Variants in BPIFB2 observed in about 807,000 individuals in gnomAD.
BPIFB2 encodes BPI fold-containing family B member 2.
In BPIFB2, 39 loss-of-function variants were observed where a neutral mutation model predicts 50.1. The ratio of observed to expected loss-of-function variants is 0.78; its 90% confidence interval spans 0.60 to 1.02. The LOEUF (loss-of-function observed/expected upper bound fraction) is 1.02. Ranked by LOEUF, BPIFB2 falls within the 50% of genes least tolerant of loss-of-function variation. The pLI is 0.00. For missense variants in BPIFB2, 574 were observed against 585.8 expected (o/e 0.98, Z 0.21); for synonymous variants, 280 against 256.3 (o/e 1.09, Z -0.88).
chr20:33,023,067 T>G (rs1176052819), intron 15 of BPIFB2, among the ~76,000 whole-genome samples: 2 of 152,132 alleles, frequency 1.3e-5, no homozygotes, highest in South Asian at 4.1e-4. Flanking sequence ...GGTTCTGGGC[T>G]CCCATTCATA....
In BPIFB2 at chr20:33,011,057, C is replaced by T; in HGVS notation, c.143C>T (p.Ala48Val). 6.2e-7 allele frequency: 1 copy of T among 1,614,034 alleles called. No individual in the cohort carries two copies. The highest frequency in any genetic ancestry group is 8.5e-7 in the Non-Finnish European group (1 of 1,179,966). ...SEIGKAPLQR[A>V]LQVTVPHFLD... ...ATTGGGAAAGCCCCTCTCCAGCGGG[C>T]CCTGCAGGTCACTGTCCCTCATTTC... Residue 48 changes from alanine to valine, a missense_variant, in exon 3 of 16, where the codon GCC becomes GTC. Ala to Val is a moderately conservative substitution (Grantham distance 64). Coordinates refer to ENST00000170150, the MANE Select transcript of BPIFB2 (RefSeq NM_025227.3).
intron 15 of BPIFB2, among the ~76,000 whole-genome samples, 184 bp downstream of exon 15, chr20:33,021,983 G>C (rs1978690504): frequency 6.6e-6 from 1 of 152,176 alleles, no homozygotes; most frequent in Non-Finnish European, 1.5e-5. Context: ...CCTTCCTTTA[G>C]TCCTCATAAA....
intron 2 of BPIFB2, among the ~76,000 whole-genome samples, chr20:33,010,367 T>C (rs910477278): frequency 7.9e-5 from 12 of 152,204 alleles, no homozygotes; most frequent in Admixed American, 2.6e-4. Flanking sequence ...ACATAAACGA[T>C]TGCCGCTATT....
Position 33,017,085 on chromosome 20 carries a change from A to G in BPIFB2, c.560A>G (p.His187Arg). ...ISNLVQGVNV[H>R]LGTLIGLNPV... ...AACCTGGTGCAGGGTGTCAATGTCCACCTGGGCACCTTAATTGGTAAGATC... is the reference window on the plus strand; with the variant it reads ...AACCTGGTGCAGGGTGTCAATGTCCGCCTGGGCACCTTAATTGGTAAGATC... Residue 187 changes from histidine to arginine, a missense_variant, in exon 7 of 16, where the codon CAC (histidine) becomes CGC (arginine). By Grantham distance (29) the His-to-Arg change is conservative. Transcript: ENST00000170150. 1 of 1,613,990 alleles carries G rather than the reference A, an allele frequency of 6.2e-7. No homozygotes were observed. The highest frequency in any genetic ancestry group is 1.7e-5 in the Admixed American group (1 of 60,020).
At chr20:33,007,856 G>A (rs1252962510) in intron 1 of BPIFB2, 96 bp downstream of exon 1, 2 of 152,446 alleles carry the variant, frequency 1.3e-5, no homozygotes, top group East Asian at 3.9e-4. Context: ...CTCTGCAGAA[G>A]GGTCCTTCCA....
At chr20:33,019,485 C>A (rs961572534) in intron 10 of BPIFB2, 95 bp from the exon 11 acceptor site, 5 of 1,348,898 alleles carry the variant, frequency 3.7e-6, no homozygotes, top group African/African-American at 2.9e-5. Flanking sequence ...TCACATACAG[C>A]GCCATGGTGG....
At position 33,023,348 on chromosome 20, in the gene BPIFB2, G is replaced by A. The variant is rs142508681; in HGVS notation, c.1342G>A (p.Val448Met). 6.2e-6 allele frequency: 10 copies of A among 1,613,880 alleles called. No homozygotes were observed. The highest frequency in any genetic ancestry group is 8.5e-6 in the Non-Finnish European group (10 of 1,179,884). The part of the protein sequence containing the change: ...APEIFVYEGY[V>M]VISSGLFYQS Reference sequence around the variant, plus strand: ...GGTTTCCTTTGCCCTTCAGGGCTACGTGGTGATATCCAGTGGACTCTTCTA... The same window carrying A: ...GGTTTCCTTTGCCCTTCAGGGCTACATGGTGATATCCAGTGGACTCTTCTA... The change falls in exon 16 of 16, where the codon GTG becomes ATG. Residue 448 changes from valine to methionine, a missense_variant. Transcript: ENST00000170150.
In BPIFB2 at chr20:33,008,605, C is replaced by G; in HGVS notation, c.31C>G (p.Leu11Val). The G allele has an allele frequency of 6.2e-7, 1 of 1,603,698 alleles. No individual in the cohort carries two copies. The highest frequency in any genetic ancestry group is 8.5e-7 in the Non-Finnish European group (1 of 1,175,378). Residue 11 changes from leucine to valine, a missense_variant, in exon 2 of 16, where the codon CTG (leucine) becomes GTG (valine). Leu to Val is a conservative substitution (Grantham distance 32). Coordinates refer to ENST00000170150, the MANE Select transcript of BPIFB2 (RefSeq NM_025227.3). ...TTGGGCAAGTAGGCTGGGCCTGCTG[C>G]TGGCACTGCTGCTGCCCGTGGTCGG... is the stretch of plus-strand genomic sequence containing the variant. The part of the protein sequence containing the change: MAWASRLGLL[L>V]ALLLPVVGAS...
At chr20:33,012,394 G>A (rs1280327384) in intron 3 of BPIFB2, among the ~76,000 whole-genome samples, 1 of 152,226 alleles carries the variant, frequency 6.6e-6, no homozygotes, top group East Asian at 1.9e-4. Flanking sequence ...AGTGCTTGGA[G>A]CTTTGAAGTG....
At chr20:33,020,692 T>TG in intron 13 of BPIFB2, 105 bp downstream of exon 13, 3 of 1,328,700 alleles carry the variant, frequency 2.3e-6, no homozygotes, top group Non-Finnish European at 3.1e-6. Context: ...TGTGCCTGTG[T>TG]GTGCCACTAT....
At chr20:33,015,578 A>AG in intron 6 of BPIFB2, 82 bp downstream of exon 6, 1 of 1,204,032 alleles carries the variant, frequency 8.3e-7, no homozygotes, top group Non-Finnish European at 1.2e-6. Context: ...GATTTCAGGC[A>AG]GGGGGTACTT....
intron 6 of BPIFB2, 152 bp downstream of exon 6, chr20:33,015,648 A>G (rs1290967431): frequency 2.8e-6 from 2 of 725,050 alleles, no homozygotes; most frequent in Non-Finnish European, 4.4e-6. Flanking sequence ...AGGCAGGGAA[A>G]AGGCTGGTGC....
At chr20:33,020,222 C>A in intron 11 of BPIFB2, 106 bp from the exon 12 acceptor site, 1 of 1,125,920 alleles carries the variant, frequency 8.9e-7, no homozygotes. Flanking sequence ...AGGGGCTCCA[C>A]AGACACCTGC....
chr20:33,018,243 C>T lies in BPIFB2; in HGVS notation c.578-16C>T. 2 of 1,584,740 alleles carry T rather than the reference C, an allele frequency of 1.3e-6. No individual in the cohort carries two copies. The highest frequency in any genetic ancestry group is 8.7e-7 in the Non-Finnish European group (1 of 1,155,160). ...TAAATATGCCATCTTTTCTTCTCTA[C>T]CCTGGTTTCATGAAGGCCTCAACCC... is the stretch of plus-strand genomic sequence containing the variant. On this transcript the variant is annotated splice_polypyrimidine_tract_variant and intron_variant, in intron 7 of 15. Transcript: ENST00000170150.
intron 3 of BPIFB2, 128 bp downstream of exon 3, chr20:33,011,245 G>C (rs1408257709): frequency 2.4e-6 from 2 of 830,216 alleles, no homozygotes; most frequent in Non-Finnish European, 3.8e-6. Context: ...TATCCACGGG[G>C]CAAAGTGTTC....
At chr20:33,020,740 G>A (rs552790221) in intron 13 of BPIFB2, among the ~76,000 whole-genome samples, 153 bp downstream of exon 13, 34 of 152,298 alleles carry the variant, frequency 2.2e-4, no homozygotes, top group Non-Finnish European at 4.7e-4. Flanking sequence ...ACAGTGGCCA[G>A]TCAGTCCATC....
chr20:33,020,255 G>T lies in BPIFB2; in HGVS notation c.1081-73G>T. Reference sequence around the variant, plus strand: ...TGCTGCCTGAATGAGTCGGGGGATGGGTGGGAGGCTGGGTGGCTGGTGCCC... The same window carrying T: ...TGCTGCCTGAATGAGTCGGGGGATGTGTGGGAGGCTGGGTGGCTGGTGCCC... On this transcript the variant is annotated intron_variant, in intron 11 of 15. Transcript: ENST00000170150. 2 of 1,433,866 alleles carry T rather than the reference G, an allele frequency of 1.4e-6. 1 individual carries two copies. The highest frequency in any genetic ancestry group is 2.4e-5 in the South Asian group (2 of 84,974). 88.8% of individuals were successfully genotyped at this position (1,433,866 alleles called of 1,614,324 possible).
At chr20:33,010,944 G>A (rs2146349138) in intron 2 of BPIFB2, 80 bp from the exon 3 acceptor site, 2 of 1,236,644 alleles carry the variant, frequency 1.6e-6, no homozygotes, top group East Asian at 4.7e-5. Flanking sequence ...CCAAGGTGCA[G>A]GGTAGATGGC....
At chr20:33,019,892 C>A in intron 11 of BPIFB2, 142 bp downstream of exon 11, 7 of 1,147,432 alleles carry the variant, frequency 6.1e-6, no homozygotes, top group Non-Finnish European at 7.1e-6. Context: ...CGCCCCAGGA[C>A]CTTTGCATGT....
Sources: allele counts gnomAD v4.1 joint callset (sites outside exome capture counted in the v4.1 genomes callset), GRCh38; gene constraint gnomAD v4.1.1; transcripts MANE v1.5; gene names NCBI Gene and HGNC (gene_info 2026-07-23, HGNC 2026-07-21).